DLGAP2: variants seen among roughly 807,000 people sequenced by gnomAD.
DLGAP2 encodes the protein DLG associated protein 2, also known as disks large-associated protein 2.
In DLGAP2, 26 loss-of-function variants were observed where a neutral mutation model predicts 100.3. The ratio of observed to expected loss-of-function variants is 0.26; its 90% confidence interval spans 0.19 to 0.36. The LOEUF is 0.36. DLGAP2 is among the 10% of genes least tolerant of loss of function. The pLI is 1.00. For missense variants in DLGAP2, 1,858 were observed against 1,453.2 expected, an observed-to-expected ratio of 1.28 and a Z score of -4.53; for synonymous variants, 886 against 630.1, an observed-to-expected ratio of 1.41 and a Z score of -6.08.
At position 1,701,547 on chromosome 8, in the gene DLGAP2, G is replaced by A; in HGVS notation, c.*141G>A. The A allele has an allele frequency of 1.1e-6, 1 of 916,752 alleles. No homozygotes were observed. The highest frequency in any genetic ancestry group is 1.6e-6 in the Non-Finnish European group (1 of 628,582). 56.8% of individuals were successfully genotyped at this position (916,752 alleles called of 1,614,324 possible). On this transcript the variant is annotated 3_prime_UTR_variant, in exon 15 of 15. Coordinates refer to ENST00000637795, the MANE Select transcript of DLGAP2 (RefSeq NM_001346810.2). ...CGCTCCCCGCGCCCCGGACACAGCGGGACGCGGCCGGCGGCCTCAGAGTCC... is the reference window on the plus strand; with the variant it reads ...CGCTCCCCGCGCCCCGGACACAGCGAGACGCGGCCGGCGGCCTCAGAGTCC...
rs868486622 is a variant in DLGAP2 at position 953,397 on chromosome 8, T to A, written c.73+45431T>A. Among the ~76,000 whole-genome samples, 6 of 152,298 alleles carry A rather than the reference T, an allele frequency of 3.9e-5. 1 individual carries two copies. In the Middle Eastern group the frequency reaches 0.02, roughly 518 times the overall value. On this transcript the variant is annotated intron_variant, in intron 2 of 14. Transcript: ENST00000637795. ...TTAGCAGAGACGGGATTTCGCCATG[T>A]TGGCCAGGCTGGTCTTGAACTCCTG...
intron 7 of DLGAP2, among the ~76,000 whole-genome samples, chr8:1,632,173 T>TA (rs1291675789): frequency 6.6e-6 from 1 of 151,784 alleles, no homozygotes; most frequent in Non-Finnish European, 1.5e-5. Context: ...TAAGGAAGAA[T>TA]AAAAAAAGCC....
intron 3 of DLGAP2, among the ~76,000 whole-genome samples, chr8:1,445,398 G>A (rs1563153939): frequency 6.6e-6 from 1 of 151,528 alleles, no homozygotes; most frequent in Non-Finnish European, 1.5e-5. Flanking sequence ...TTTCATCCAT[G>A]TCCCTACAAA....
At chr8:1,051,782 C>T (rs546069960) in intron 2 of DLGAP2, among the ~76,000 whole-genome samples, 1 of 152,186 alleles carries the variant, frequency 6.6e-6, no homozygotes, top group East Asian at 1.9e-4. Flanking sequence ...CTCATGCCTG[C>T]TCAGTCACCT....
intron 5 of DLGAP2, among the ~76,000 whole-genome samples, chr8:1,552,374 G>T (rs1252282511): frequency 6.6e-6 from 1 of 152,174 alleles, no homozygotes. Flanking sequence ...CATGCAGCTC[G>T]GTGACTTCTC....
chr8:782,776 C>G (rs1208880408), intron 1 of DLGAP2, among the ~76,000 whole-genome samples: 2 of 152,276 alleles, frequency 1.3e-5, no homozygotes, highest in Middle Eastern at 3.4e-3. Context: ...CAATCCCATT[C>G]CTACCTCAGA....
chr8:807,180 T>TC (rs1434782468), intron 1 of DLGAP2, among the ~76,000 whole-genome samples: 1 of 152,234 alleles, frequency 6.6e-6, no homozygotes, highest in African/African-American at 2.4e-5. Context: ...CATCCTAAAC[T>TC]CCGAGTTCTT....
At chr8:1,080,270 C>G (rs991014997) in intron 2 of DLGAP2, among the ~76,000 whole-genome samples, 2 of 152,234 alleles carry the variant, frequency 1.3e-5, no homozygotes, top group Non-Finnish European at 2.9e-5. Flanking sequence ...GATGCGGGCG[C>G]CACCCCCGCC....
chr8:1,304,833 C>G (rs952352120), intron 3 of DLGAP2, among the ~76,000 whole-genome samples: 1 of 152,182 alleles, frequency 6.6e-6, no homozygotes, highest in South Asian at 2.1e-4. Context: ...ATGCTAAACA[C>G]CCTTCAATAC....
chr8:972,616 C>CTTTTTTTTTTCTTAT (rs547635325), intron 2 of DLGAP2, among the ~76,000 whole-genome samples: 2 of 150,090 alleles, frequency 1.3e-5, no homozygotes, highest in African/African-American at 4.9e-5. Flanking sequence ...GTATTTTTTT[C>CTTTTTTTTTTCTTAT]TTATTTATTT....
At chr8:1,000,265 C>G (rs1410482969) in intron 2 of DLGAP2, among the ~76,000 whole-genome samples, 1 of 149,358 alleles carries the variant, frequency 6.7e-6, no homozygotes, top group Non-Finnish European at 1.5e-5. Context: ...TGGATTTTCT[C>G]TAGAGCGGAC....
chr8:1,577,183 T>G (rs1305114430), intron 6 of DLGAP2, among the ~76,000 whole-genome samples: 1 of 152,240 alleles, frequency 6.6e-6, no homozygotes, highest in African/African-American at 2.4e-5. Flanking sequence ...CTGATAGCTG[T>G]GTTAATTCAC....
chr8:1,321,248 C>T (rs1800893925), intron 3 of DLGAP2, among the ~76,000 whole-genome samples: 1 of 151,108 alleles, frequency 6.6e-6, no homozygotes, highest in African/African-American at 2.4e-5. Flanking sequence ...TCTGCATGTG[C>T]ACGTGCATCT....
At chr8:1,520,955 G>A (rs955461747) in intron 4 of DLGAP2, among the ~76,000 whole-genome samples, 7 of 152,214 alleles carry the variant, frequency 4.6e-5, no homozygotes, top group Non-Finnish European at 7.3e-5. Context: ...TGGCTGCACC[G>A]CTTTGCACTC....
intron 3 of DLGAP2, among the ~76,000 whole-genome samples, chr8:1,376,297 C>G (rs1360475104): frequency 1.3e-5 from 2 of 152,218 alleles, no homozygotes; most frequent in Non-Finnish European, 2.9e-5. Flanking sequence ...CAAACCAGGT[C>G]TCTGTGCCGT....
intron 2 of DLGAP2, among the ~76,000 whole-genome samples, chr8:1,012,135 G>C (rs2129021124): frequency 6.6e-6 from 1 of 152,282 alleles, no homozygotes; most frequent in East Asian, 1.9e-4. Flanking sequence ...AGGTGCAGCG[G>C]TATCCCCTTG....
At chr8:737,909 G>C in intron 1 of DLGAP2, 84 bp downstream of exon 1, 1 of 363,886 alleles carries the variant, frequency 2.7e-6, no homozygotes, top group Admixed American at 4.7e-5. Flanking sequence ...TGTCGGACCC[G>C]CGGGGACGCC....
At chr8:1,061,543 G>A (rs138540836) in intron 2 of DLGAP2, among the ~76,000 whole-genome samples, 1 of 152,032 alleles carries the variant, frequency 6.6e-6, no homozygotes, top group Non-Finnish European at 1.5e-5. Flanking sequence ...ATTTTGTTTG[G>A]GGTAAGACGT....
chr8:1,135,503 G>GTTTTTTTTTTTTTTTTTTTTT (rs3080806), intron 2 of DLGAP2, among the ~76,000 whole-genome samples: 4 of 92,194 alleles, frequency 4.3e-5, no homozygotes, highest in African/African-American at 4.0e-5. Context: ...TTTTTTGTGG[G>GTTTTTTTTTTTTTTTTTTTTT]TTTTTTTTTT....
Sources: gnomAD v4.1 joint callset for allele counts (sites outside exome capture counted in the v4.1 genomes callset) on GRCh38, gnomAD v4.1.1 for gene constraint, MANE v1.5 for transcripts, NCBI Gene and HGNC (gene_info 2026-07-23, HGNC 2026-07-21) for gene names.